The following ANTXR1 variants were observed in gnomAD, a reference collection of about 807,000 sequenced individuals.
The protein encoded by ANTXR1 is ANTXR cell adhesion molecule 1, also known as anthrax toxin receptor 1.
A neutral mutation model predicts 78.1 loss-of-function variants in ANTXR1; 19 were observed. The observed-to-expected ratio is 0.24, with a 90% CI of 0.17 to 0.36. The LOEUF is 0.36. ANTXR1 is among the 10% of genes least tolerant of loss of function. The pLI is 1.00. For synonymous variants in ANTXR1, 273 were observed against 260.5 expected, an observed-to-expected ratio of 1.05 and a Z score of -0.46; for missense variants, 518 against 718.6, an observed-to-expected ratio of 0.72 and a Z score of 3.19.
chr2:69,142,246 A>G (rs1312065807), intron 12 of ANTXR1, among the ~76,000 whole-genome samples: 1 of 152,240 alleles, frequency 6.6e-6, no homozygotes, highest in Admixed American at 6.5e-5. Flanking sequence ...CTCCAACGCC[A>G]TTCCTGCTAC....
chr2:69,077,160 T>C, intron 7 of ANTXR1: 2 of 561,654 alleles, frequency 3.6e-6, no homozygotes, highest in Non-Finnish European at 6.4e-6. Context: ...TTACCTCTGC[T>C]CCCGAGGAGA....
chr2:69,228,358 A>G (rs1201397407), intron 17 of ANTXR1, among the ~76,000 whole-genome samples: 2 of 152,164 alleles, frequency 1.3e-5, no homozygotes, highest in African/African-American at 4.8e-5. Context: ...CAAATGGGTA[A>G]TATTACTGGT....
chr2:69,183,836 T>C (rs1674352335), intron 16 of ANTXR1, among the ~76,000 whole-genome samples: 1 of 152,264 alleles, frequency 6.6e-6, no homozygotes, highest in African/African-American at 2.4e-5. Flanking sequence ...CAGAGAGCAC[T>C]GGAAAATTAT....
chr2:69,113,431 T>G (rs535797457), intron 10 of ANTXR1, among the ~76,000 whole-genome samples: 4 of 152,346 alleles, frequency 2.6e-5, no homozygotes, highest in African/African-American at 7.2e-5. Context: ...TTTAAATATT[T>G]GTTCAACATC....
chr2:69,020,234 A>T (rs1040510227), intron 1 of ANTXR1, among the ~76,000 whole-genome samples: 2 of 152,120 alleles, frequency 1.3e-5, no homozygotes, highest in Non-Finnish European at 2.9e-5. Context: ...TATTATTATT[A>T]TTTTTGTATT....
chr2:69,049,505 T>G (rs1411894971), intron 3 of ANTXR1, among the ~76,000 whole-genome samples: 1 of 152,088 alleles, frequency 6.6e-6, no homozygotes, highest in Non-Finnish European at 1.5e-5. Context: ...AGACGGGGTT[T>G]CACCATGTTG....
In ANTXR1 at chr2:69,066,911, C is replaced by T. The variant is rs138810529; in HGVS notation, c.297-3736C>T. ...CAGCCTCTCTTCATAGGATTCCCTGCCTCTTTCATTTCCCAGGAAGATAAC... is the reference window on the plus strand; with the variant it reads ...CAGCCTCTCTTCATAGGATTCCCTGTCTCTTTCATTTCCCAGGAAGATAAC... On this transcript the variant is annotated intron_variant, in intron 3 of 17. Transcript: ENST00000303714. 2.0e-3 allele frequency among the ~76,000 whole-genome samples: 308 copies of T among 152,296 alleles called. 1 individual carries two copies. The highest frequency in any genetic ancestry group is 7.0e-3 in the African/African-American group (292 of 41,576).
intron 16 of ANTXR1, among the ~76,000 whole-genome samples, chr2:69,185,565 AAAG>A (rs1237408601): frequency 1.4e-4 from 22 of 152,108 alleles, no homozygotes; most frequent in Admixed American, 2.6e-4. Context: ...AAAAAAAAAA[AAAG>A]AAGAAGAGTT....
chr2:69,124,496 T>C lies in ANTXR1; in HGVS notation c.873-69T>C. 3 of 1,359,490 alleles carry C rather than the reference T, an allele frequency of 2.2e-6. No individual in the cohort carries two copies. The South Asian group carries it at 3.5e-5, about 16-fold the overall frequency. The allele number at this position is 1,359,490 out of a possible 1,614,324, so 84.2% of individuals were successfully genotyped here. ...GAGCAGAGCCCAAAGGAGTCCTGTGTGTCTGGCTCTCAGCCTGTTGCTCAT... is the reference window on the plus strand; with the variant it reads ...GAGCAGAGCCCAAAGGAGTCCTGTGCGTCTGGCTCTCAGCCTGTTGCTCAT... On this transcript the variant is annotated intron_variant, in intron 11 of 17. Transcript: ENST00000303714.
chr2:69,236,288 GTATA>G (rs1169484325), intron 17 of ANTXR1, among the ~76,000 whole-genome samples: 3 of 152,108 alleles, frequency 2.0e-5, no homozygotes, highest in East Asian at 1.9e-4. Flanking sequence ...GTGTGTGTGT[GTATA>G]TATATGTGAG....
At chr2:69,109,066 G>A (rs779743164) in intron 10 of ANTXR1, among the ~76,000 whole-genome samples, 6 of 152,162 alleles carry the variant, frequency 3.9e-5, no homozygotes, top group Non-Finnish European at 5.9e-5. Context: ...CTAGCTGTGC[G>A]ACTGTGACGT....
Position 69,102,900 on chromosome 2 carries a change from G to A in ANTXR1, c.762G>A (p.Arg254=). 1 of 1,614,074 alleles carries A rather than the reference G, an allele frequency of 6.2e-7. No homozygotes were observed. The highest frequency in any genetic ancestry group is 8.5e-7 in the Non-Finnish European group (1 of 1,180,024). Residue 254 remains arginine, a synonymous_variant, in exon 10 of 18, where the codon AGG becomes AGA. Coordinates refer to ENST00000303714, the MANE Select transcript of ANTXR1 (RefSeq NM_032208.3). ...NGFRHARNVD[R]VLCSFKINDS... ...TCCGACATGCCCGCAACGTGGACAGGGTCCTCTGCAGCTTCAAGATCAATG... is the reference window on the plus strand; with the variant it reads ...TCCGACATGCCCGCAACGTGGACAGAGTCCTCTGCAGCTTCAAGATCAATG...
At chr2:69,085,741 A>G (rs1233873472) in intron 8 of ANTXR1, among the ~76,000 whole-genome samples, 1 of 152,196 alleles carries the variant, frequency 6.6e-6, no homozygotes, top group African/African-American at 2.4e-5. Flanking sequence ...AAACTAGGAT[A>G]AGTTATCTAA....
At position 69,104,541 on chromosome 2, in the gene ANTXR1, GTTCT is replaced by G. The variant is rs1474854620; in HGVS notation, c.802+1608_802+1611del. Among the ~76,000 whole-genome samples the G allele has an allele frequency of 3.3e-5, 5 of 152,304 alleles. No individual in the cohort carries two copies. The East Asian group carries it at 7.7e-4, about 24-fold the overall frequency. ...AAGTTGGACGTGTGCCCCCAGCAGA[GTTCT>G]TTCTTTTTTCTCCCTGTCAATTGTG... is the stretch of plus-strand genomic sequence containing the variant. On this transcript the variant is annotated intron_variant, in intron 10 of 17. Coordinates refer to ENST00000303714, the MANE Select transcript of ANTXR1 (RefSeq NM_032208.3).
chr2:69,236,766 C>A (rs1178829561), intron 17 of ANTXR1, among the ~76,000 whole-genome samples: 1 of 152,196 alleles, frequency 6.6e-6, no homozygotes, highest in Admixed American at 6.5e-5. Flanking sequence ...AAATTCTTAA[C>A]TGCATTTGGT....
chr2:69,058,110 C>T (rs535281220), intron 3 of ANTXR1, among the ~76,000 whole-genome samples: 73 of 152,270 alleles, frequency 4.8e-4, no homozygotes, highest in Non-Finnish European at 7.6e-4. Flanking sequence ...GACGCCATCT[C>T]CATGACATAA....
intron 12 of ANTXR1, among the ~76,000 whole-genome samples, chr2:69,147,192 TTCC>T (rs925004470): frequency 4.9e-4 from 74 of 152,334 alleles, no homozygotes; most frequent in African/African-American, 1.6e-3. Context: ...GCAAAGCCTG[TTCC>T]TTAGCACCTG....
chr2:69,088,414 G>A (rs1671122767), intron 8 of ANTXR1, among the ~76,000 whole-genome samples: 1 of 152,152 alleles, frequency 6.6e-6, no homozygotes, highest in Non-Finnish European at 1.5e-5. Flanking sequence ...AAATGCCTGA[G>A]GAATTTTATT....
chr2:69,033,091 C>T (rs112019937), intron 1 of ANTXR1, among the ~76,000 whole-genome samples: 1 of 152,128 alleles, frequency 6.6e-6, no homozygotes, highest in Non-Finnish European at 1.5e-5. Flanking sequence ...GATATACTAA[C>T]AGGATATTTC....
Sources: allele counts gnomAD v4.1 joint callset (sites outside exome capture counted in the v4.1 genomes callset), GRCh38; gene constraint gnomAD v4.1.1; transcripts MANE v1.5; gene names NCBI Gene and HGNC (gene_info 2026-07-23, HGNC 2026-07-21).